HS6ST3: variants seen among roughly 807,000 people sequenced by gnomAD.
The protein encoded by HS6ST3 is heparan-sulfate 6-O-sulfotransferase 3.
In HS6ST3, 12 loss-of-function variants were observed where a neutral mutation model predicts 36.7. The observed-to-expected ratio is 0.33, with a 90% CI of 0.21 to 0.53. The LOEUF is 0.53. Ranked by LOEUF, HS6ST3 falls within the 20% of genes least tolerant of loss-of-function variation. The pLI is 0.95. For synonymous variants in HS6ST3, 240 were observed against 257.5 expected (o/e 0.93, Z 0.65); for missense variants, 584 against 640.9 (o/e 0.91, Z 0.96).
At chr13:96,738,514 T>G (rs1294966331) in intron 1 of HS6ST3, among the ~76,000 whole-genome samples, 1 of 152,250 alleles carries the variant, frequency 6.6e-6, no homozygotes, top group Non-Finnish European at 1.5e-5. Context: ...TTAAAAATTT[T>G]TAAGCATTTT....
At position 96,835,747 on chromosome 13, in the gene HS6ST3, C is replaced by T. The variant is rs1174655724; in HGVS notation, c.*2549C>T. 1 of 152,182 alleles carries T rather than the reference C, an allele frequency of 6.6e-6. No homozygotes were observed. Among genetic ancestry groups the T allele is most frequent in the East Asian group, 1.9e-4 (1 of 5,188 alleles). The allele number at this position is 152,182 out of a possible 1,614,324, so 9.4% of individuals were successfully genotyped here. On this transcript the variant is annotated 3_prime_UTR_variant, in exon 2 of 2. Coordinates refer to ENST00000376705, the MANE Select transcript of HS6ST3 (RefSeq NM_153456.4). The stretch of plus-strand genomic sequence containing the variant: ...GCAAGGAATTCATGCATAACTGAGA[C>T]TTGGAGGCAGCCCCTGCTCACTTCA...
At chr13:96,266,027 T>C (rs1240048125) in intron 1 of HS6ST3, among the ~76,000 whole-genome samples, 1 of 152,178 alleles carries the variant, frequency 6.6e-6, no homozygotes, top group South Asian at 2.1e-4. Context: ...CCCCATATTA[T>C]GATGCTCTTG....
chr13:96,324,920 G>C (rs2055023012), intron 1 of HS6ST3, among the ~76,000 whole-genome samples: 1 of 152,160 alleles, frequency 6.6e-6, no homozygotes, highest in Non-Finnish European at 1.5e-5. Context: ...CACCTAGTTT[G>C]GGGTGCTTTG....
At chr13:96,352,575 C>G (rs2055189042) in intron 1 of HS6ST3, among the ~76,000 whole-genome samples, 1 of 152,134 alleles carries the variant, frequency 6.6e-6, no homozygotes, top group Non-Finnish European at 1.5e-5. Context: ...TCATAATATC[C>G]TGTTGGTTAC....
intron 1 of HS6ST3, among the ~76,000 whole-genome samples, chr13:96,791,435 C>T (rs1266797452): frequency 6.6e-6 from 1 of 151,932 alleles, no homozygotes; most frequent in Non-Finnish European, 1.5e-5. Flanking sequence ...TGTTGGTTGT[C>T]CCTGGTCCCT....
At chr13:96,725,694 T>G (rs553887159) in intron 1 of HS6ST3, among the ~76,000 whole-genome samples, 3 of 151,264 alleles carry the variant, frequency 2.0e-5, no homozygotes, top group Admixed American at 1.3e-4. Flanking sequence ...GTGTGTGTGA[T>G]TGTGTGAATC....
At chr13:96,233,180 TAA>T (rs1448962369) in intron 1 of HS6ST3, among the ~76,000 whole-genome samples, 1 of 152,200 alleles carries the variant, frequency 6.6e-6, no homozygotes, top group Admixed American at 6.5e-5. Context: ...AAAATTACAA[TAA>T]AATGAATTTC....
intron 1 of HS6ST3, among the ~76,000 whole-genome samples, chr13:96,517,556 C>T (rs1374886144): frequency 6.6e-6 from 1 of 152,112 alleles, no homozygotes; most frequent in African/African-American, 2.4e-5. Context: ...GTAGCCCATG[C>T]ACCTTTCTTT....
intron 1 of HS6ST3, among the ~76,000 whole-genome samples, chr13:96,825,291 G>A (rs1878625224): frequency 2.0e-5 from 3 of 152,328 alleles, no homozygotes; most frequent in East Asian, 3.9e-4. Flanking sequence ...ATCACCACCA[G>A]CAAAGTGATT....
chr13:96,136,402 C>T (rs2054001844), intron 1 of HS6ST3, among the ~76,000 whole-genome samples: 1 of 151,974 alleles, frequency 6.6e-6, no homozygotes, highest in Admixed American at 6.6e-5. Context: ...CAAGGCAGAG[C>T]AGGAACAGGC....
intron 1 of HS6ST3, among the ~76,000 whole-genome samples, chr13:96,461,061 C>T (rs575902374): frequency 6.6e-6 from 1 of 152,296 alleles, no homozygotes; most frequent in South Asian, 2.1e-4. Flanking sequence ...TACTTTGCTG[C>T]AGAATGCAAT....
At chr13:96,464,138 C>CAAAAAA (rs67305199) in intron 1 of HS6ST3, among the ~76,000 whole-genome samples, 7,598 of 38,688 alleles carry the variant, frequency 0.2, 1,449 homozygotes, top group South Asian at 0.43. Context: ...TGTCAGGCCT[C>CAAAAAA]AAAAAAAAAA....
chr13:96,511,356 G>A (rs908073352), intron 1 of HS6ST3, among the ~76,000 whole-genome samples: 1 of 152,058 alleles, frequency 6.6e-6, no homozygotes, highest in Admixed American at 6.6e-5. Flanking sequence ...AGCTGTGTAA[G>A]CTTTATCATC....
At chr13:96,449,317 A>T (rs1164598) in intron 1 of HS6ST3, among the ~76,000 whole-genome samples, 75,318 of 151,882 alleles carry the variant, frequency 0.5, 19,463 homozygotes, top group African/African-American at 0.64. Flanking sequence ...TCCAAAAAAC[A>T]TCCTCTCTCC....
At chr13:96,192,764 G>A (rs188836464) in intron 1 of HS6ST3, among the ~76,000 whole-genome samples, 336 of 152,058 alleles carry the variant, frequency 2.2e-3, no homozygotes, top group Admixed American at 3.4e-3. Flanking sequence ...TCTACTTTGG[G>A]TAGATACTCA....
At chr13:96,178,628 G>A (rs1207557480) in intron 1 of HS6ST3, among the ~76,000 whole-genome samples, 5 of 151,922 alleles carry the variant, frequency 3.3e-5, no homozygotes, top group Admixed American at 1.3e-4. Flanking sequence ...ACCATTCTGT[G>A]GTGCACTGGG....
intron 1 of HS6ST3, among the ~76,000 whole-genome samples, chr13:96,634,072 C>A (rs1296011548): frequency 6.6e-6 from 1 of 152,196 alleles, no homozygotes; most frequent in Non-Finnish European, 1.5e-5. Context: ...AGGCAGCCAT[C>A]TGCAGCCTGG....
At chr13:96,209,154 A>G (rs976341598) in intron 1 of HS6ST3, among the ~76,000 whole-genome samples, 1 of 152,210 alleles carries the variant, frequency 6.6e-6, no homozygotes, top group Non-Finnish European at 1.5e-5. Flanking sequence ...ATATAGTAAT[A>G]TAGATGGAAA....
At position 96,114,427 on chromosome 13, in the gene HS6ST3, G is replaced by A. The variant is rs547476706; in HGVS notation, c.707+22858G>A. Among the ~76,000 whole-genome samples the A allele has an allele frequency of 8.2e-4, 125 of 152,274 alleles. 2 individuals are homozygous for A. The highest frequency in any genetic ancestry group is 4.2e-3 in the South Asian group (20 of 4,818). On this transcript the variant is annotated intron_variant, in intron 1 of 1. Coordinates refer to ENST00000376705, the MANE Select transcript of HS6ST3 (RefSeq NM_153456.4). ...GGCCTCCTAAAGTACTGTGATTACAGGGATGACCCACCGTTCCTGGCCCTT... is the reference window on the plus strand; with the variant it reads ...GGCCTCCTAAAGTACTGTGATTACAAGGATGACCCACCGTTCCTGGCCCTT...
Sources: gnomAD v4.1 joint callset for allele counts (sites outside exome capture counted in the v4.1 genomes callset) on GRCh38, gnomAD v4.1.1 for gene constraint, MANE v1.5 for transcripts, NCBI Gene and HGNC (gene_info 2026-07-23, HGNC 2026-07-21) for gene names.